TBX15: variants seen among roughly 807,000 people sequenced by gnomAD.
The protein encoded by TBX15 is T-box transcription factor 15.
TBX15 carries 18 observed loss-of-function variants against 53.9 expected under a neutral mutation model. That is an observed-to-expected ratio of 0.33 (90% CI 0.23 to 0.49). The LOEUF (loss-of-function observed/expected upper bound fraction) is 0.49, where lower values mean the gene tolerates loss of function less well. TBX15 is among the 20% of genes least tolerant of loss of function. The pLI is 0.98. For synonymous variants in TBX15, 295 were observed against 278.0 expected (o/e 1.06, Z -0.61); for missense variants, 692 against 749.5 (o/e 0.92, Z 0.90).
At chr1:118,942,256 A>G (rs549133324) in intron 1 of TBX15, among the ~76,000 whole-genome samples, 1 of 152,350 alleles carries the variant, frequency 6.6e-6, no homozygotes, top group East Asian at 1.9e-4. Context: ...ATGTATTTAG[A>G]GGGCAGCAAT....
At chr1:118,890,866 CT>C in intron 7 of TBX15, 1 of 1,302,500 alleles carries the variant, frequency 7.7e-7, no homozygotes, top group African/African-American at 1.5e-5. Flanking sequence ...CATGTAATTA[CT>C]TCGTTCCATG....
chr1:118,981,303 TACACAC>T (rs35594301), intron 1 of TBX15, among the ~76,000 whole-genome samples: 26,926 of 146,738 alleles, frequency 0.18, 2,914 homozygotes, highest in East Asian at 0.48. Flanking sequence ...TTAAACTAGC[TACACAC>T]ACACACACAC....
Position 118,984,543 on chromosome 1 carries a change from G to A in TBX15, c.205+3048C>T, listed in dbSNP as rs574121852. Among the ~76,000 whole-genome samples the A allele has an allele frequency of 2.9e-3, 436 of 152,336 alleles. 2 individuals are homozygous for A. Among genetic ancestry groups the A allele is most frequent in the South Asian group, 8.9e-3 (43 of 4,826 alleles). On this transcript the variant is annotated intron_variant, in intron 1 of 7. Transcript: ENST00000369429. ...ATATACTTGCAAGGCCGCAGCCGGA[G>A]CAGCTGTTCCAGCCGATCCTAGCTC...
intron 1 of TBX15, among the ~76,000 whole-genome samples, chr1:118,960,467 C>G (rs1656834176): frequency 6.6e-6 from 1 of 152,212 alleles, no homozygotes. Flanking sequence ...GACTCAGTGA[C>G]TGAGCTTCTC....
chr1:118,898,906 TC>T, intron 7 of TBX15, 121 bp downstream of exon 7: 1 of 1,006,524 alleles, frequency 9.9e-7, no homozygotes, highest in Non-Finnish European at 1.5e-6. Flanking sequence ...TGAGTTCTCT[TC>T]ATTCCAGGAG....
chr1:118,967,104 A>G (rs1657057803), intron 1 of TBX15, among the ~76,000 whole-genome samples: 1 of 152,220 alleles, frequency 6.6e-6, no homozygotes, highest in African/African-American at 2.4e-5. Flanking sequence ...AGGAAATACC[A>G]GATCTAGTGA....
intron 1 of TBX15, among the ~76,000 whole-genome samples, chr1:118,967,047 G>C (rs1657056225): frequency 6.6e-6 from 1 of 152,058 alleles, no homozygotes; most frequent in Non-Finnish European, 1.5e-5. Context: ...AGCCAGGGAT[G>C]GTGTGAAAAC....
At chr1:118,945,609 C>A (rs920233150) in intron 1 of TBX15, among the ~76,000 whole-genome samples, 8 of 152,208 alleles carry the variant, frequency 5.3e-5, no homozygotes, top group African/African-American at 1.7e-4. Context: ...CTCTCCCATT[C>A]CTGGGCAAGA....
At chr1:118,919,256 G>A (rs968120421) in intron 5 of TBX15, among the ~76,000 whole-genome samples, 1 of 152,148 alleles carries the variant, frequency 6.6e-6, no homozygotes, top group Non-Finnish European at 1.5e-5. Context: ...ACTTTGCAAT[G>A]GAAATTTCTT....
intron 1 of TBX15, among the ~76,000 whole-genome samples, chr1:118,976,503 A>G (rs1571218251): frequency 6.6e-6 from 1 of 152,192 alleles, no homozygotes; most frequent in African/African-American, 2.4e-5. Flanking sequence ...GGGAAGAAAT[A>G]TCAAAAACTA....
At chr1:118,975,905 G>A (rs1490816445) in intron 1 of TBX15, among the ~76,000 whole-genome samples, 1 of 152,210 alleles carries the variant, frequency 6.6e-6, no homozygotes, top group Non-Finnish European at 1.5e-5. Flanking sequence ...GGAAAGTGCA[G>A]CTCCCTTTTC....
rs1657058968 is a variant in TBX15, at chr1:118,967,151, C to T, written c.205+20440G>A. Reference sequence around the variant, plus strand: ...GTAAACAAATAATTGTACTCCAATACCATCACTGTGGTATTCTGTTAGAGG... The same window carrying T: ...GTAAACAAATAATTGTACTCCAATATCATCACTGTGGTATTCTGTTAGAGG... On this transcript the variant is annotated intron_variant, in intron 1 of 7. Transcript: ENST00000369429. 9.9e-5 allele frequency among the ~76,000 whole-genome samples: 15 copies of T among 152,250 alleles called. No homozygotes were observed. In the South Asian group the frequency reaches 3.1e-3, roughly 32 times the overall value.
chr1:118,901,826 G>A (rs965124837), intron 6 of TBX15, among the ~76,000 whole-genome samples: 5 of 152,036 alleles, frequency 3.3e-5, no homozygotes, highest in African/African-American at 9.7e-5. Context: ...TTCCCACAAG[G>A]AGTCCACCTG....
intron 1 of TBX15, among the ~76,000 whole-genome samples, chr1:118,958,410 C>A (rs891419367): frequency 1.3e-5 from 2 of 152,200 alleles, no homozygotes; most frequent in Non-Finnish European, 2.9e-5. Context: ...TTTGTTATAG[C>A]AACCTGAGCA....
chr1:118,949,597 G>A (rs550577646), intron 1 of TBX15, among the ~76,000 whole-genome samples: 23 of 152,326 alleles, frequency 1.5e-4, no homozygotes, highest in African/African-American at 5.5e-4. Context: ...TCCAGCTGGG[G>A]AGCACCCAGC....
chr1:118,918,776 GTA>G (rs1460987654), intron 5 of TBX15, among the ~76,000 whole-genome samples: 1 of 152,086 alleles, frequency 6.6e-6, no homozygotes, highest in Non-Finnish European at 1.5e-5. Context: ...AATAAATGAG[GTA>G]TACTTCACAG....
At chr1:118,922,300 G>A (rs1655450192) in intron 5 of TBX15, among the ~76,000 whole-genome samples, 1 of 152,134 alleles carries the variant, frequency 6.6e-6, no homozygotes, top group African/African-American at 2.4e-5. Flanking sequence ...TCCTTTGAGA[G>A]CCATTGCAGC....
intron 6 of TBX15, among the ~76,000 whole-genome samples, chr1:118,913,571 A>G (rs1469442841): frequency 6.6e-6 from 1 of 152,194 alleles, no homozygotes; most frequent in Non-Finnish European, 1.5e-5. Context: ...ACCTAGTCAT[A>G]GTGACTGAGG....
chr1:118,926,714 T>G (rs1030621613), intron 2 of TBX15, 103 bp from the exon 3 acceptor site: 57 of 1,049,444 alleles, frequency 5.4e-5, no homozygotes, highest in Non-Finnish European at 7.7e-5. Flanking sequence ...TGTTTTCTTG[T>G]TTGTTTTTTG....
Sources: gnomAD v4.1 joint callset for allele counts (sites outside exome capture counted in the v4.1 genomes callset) on GRCh38, gnomAD v4.1.1 for gene constraint, MANE v1.5 for transcripts, NCBI Gene and HGNC (gene_info 2026-07-23, HGNC 2026-07-21) for gene names.